The following DLGAP1 variants were observed in gnomAD, a reference collection of about 807,000 sequenced individuals.
The protein encoded by DLGAP1 is DLG associated protein 1.
In DLGAP1, 11 loss-of-function variants were observed where a neutral mutation model predicts 90.8. That is an observed-to-expected ratio of 0.12 (90% CI 0.08 to 0.20). DLGAP1 has a LOEUF of 0.20. DLGAP1 is among the 10% of genes least tolerant of loss of function. The pLI, the probability that DLGAP1 is intolerant of heterozygous loss-of-function variation, is 1.00. For missense variants in DLGAP1, 1,050 were observed against 1,333.8 expected (o/e 0.79, Z 3.31); for synonymous variants, 558 against 540.7 (o/e 1.03, Z -0.44).
At chr18:3,608,245 C>T (rs2057416757) in intron 7 of DLGAP1, 1 of 151,618 alleles carries the variant, frequency 6.6e-6, no homozygotes, top group African/African-American at 2.4e-5. Flanking sequence ...TTGCCTGAAT[C>T]CGAGAGGTGG....
At chr18:3,700,485 G>A (rs1048801300) in intron 7 of DLGAP1, among the ~76,000 whole-genome samples, 13 of 152,172 alleles carry the variant, frequency 8.5e-5, no homozygotes, top group African/African-American at 3.1e-4. Flanking sequence ...GAGATGGGCC[G>A]TGTACCTCAG....
intron 3 of DLGAP1, among the ~76,000 whole-genome samples, chr18:3,899,079 C>T (rs1045697958): frequency 2.6e-5 from 4 of 152,160 alleles, no homozygotes; most frequent in Admixed American, 1.3e-4. Flanking sequence ...TCACTTCATT[C>T]AGGGAGGCAT....
chr18:3,854,887 T>C (rs1367257679), intron 4 of DLGAP1, among the ~76,000 whole-genome samples: 1 of 152,136 alleles, frequency 6.6e-6, no homozygotes, highest in African/African-American at 2.4e-5. Flanking sequence ...TGGACCCAAA[T>C]GAAATAATAA....
chr18:4,278,243 G>A (rs1466297303), intron 1 of DLGAP1, among the ~76,000 whole-genome samples: 3 of 151,852 alleles, frequency 2.0e-5, no homozygotes, highest in Non-Finnish European at 4.4e-5. Flanking sequence ...TGAGTATTAT[G>A]GTCTTTTATT....
chr18:3,908,350 G>A (rs1204584051), intron 3 of DLGAP1, among the ~76,000 whole-genome samples: 1 of 152,136 alleles, frequency 6.6e-6, no homozygotes, highest in Non-Finnish European at 1.5e-5. Context: ...TTAAAAGTAT[G>A]CACTCATAGT....
intron 7 of DLGAP1, among the ~76,000 whole-genome samples, chr18:3,614,501 T>G (rs76444665): frequency 6.6e-6 from 1 of 152,176 alleles, no homozygotes; most frequent in East Asian, 1.9e-4. Flanking sequence ...GAAAATACCA[T>G]GGTGGCAAAT....
At position 4,359,346 on chromosome 18, in the gene DLGAP1, C is replaced by T. The variant is rs117194027; in HGVS notation, c.-267+95660G>A. On this transcript the variant is annotated intron_variant, in intron 1 of 12. Coordinates refer to ENST00000315677, the MANE Select transcript of DLGAP1 (RefSeq NM_004746.4). ...ATAAGACCCTCATGTGAGAGGTGCCCTTCCTGGAGGAAAGGAACGTCTTTA... is the reference window on the plus strand; with the variant it reads ...ATAAGACCCTCATGTGAGAGGTGCCTTTCCTGGAGGAAAGGAACGTCTTTA... 2.9e-3 allele frequency among the ~76,000 whole-genome samples: 441 copies of T among 152,252 alleles called. 1 individual carries two copies. The highest frequency in any genetic ancestry group is 5.0e-3 in the Non-Finnish European group (338 of 68,018).
At chr18:3,547,301 C>CAA (rs765095049) in intron 9 of DLGAP1, among the ~76,000 whole-genome samples, 5,647 of 44,226 alleles carry the variant, frequency 0.13, 434 homozygotes, top group African/African-American at 0.18. Flanking sequence ...GACTCCGTCT[C>CAA]AAAAAAAAAA....
Position 3,561,399 on chromosome 18 carries a change from A to G in DLGAP1, c.2057+6091T>C, listed in dbSNP as rs183590920. Among the ~76,000 whole-genome samples, 21 of 139,124 alleles carry G rather than the reference A, an allele frequency of 1.5e-4. 3 individuals carry two copies. Among genetic ancestry groups the G allele is most frequent in the African/African-American group, 3.9e-4 (14 of 35,736 alleles). 91.3% of individuals were successfully genotyped at this position (139,124 alleles called of 152,430 possible). ...TGCAGTGAGCCAAGATCCTGCCACTATACTCCTTCCTGGGCGACAGAGCAA... is the reference window on the plus strand; with the variant it reads ...TGCAGTGAGCCAAGATCCTGCCACTGTACTCCTTCCTGGGCGACAGAGCAA... On this transcript the variant is annotated intron_variant, in intron 9 of 12. Coordinates refer to ENST00000315677, the MANE Select transcript of DLGAP1 (RefSeq NM_004746.4).
intron 6 of DLGAP1, among the ~76,000 whole-genome samples, chr18:3,730,190 C>G (rs985334098): frequency 1.3e-5 from 2 of 152,140 alleles, no homozygotes. Flanking sequence ...GAGGTCGAGG[C>G]TGCAGTAAGG....
At chr18:4,013,193 T>C (rs2074459137) in intron 2 of DLGAP1, among the ~76,000 whole-genome samples, 2 of 152,210 alleles carry the variant, frequency 1.3e-5, no homozygotes, top group Non-Finnish European at 2.9e-5. Flanking sequence ...GTACCTCAAA[T>C]CATGATTGCA....
At chr18:3,955,138 G>A (rs1189127814) in intron 3 of DLGAP1, among the ~76,000 whole-genome samples, 2 of 152,108 alleles carry the variant, frequency 1.3e-5, no homozygotes, top group East Asian at 3.9e-4. Flanking sequence ...TAGGAAGAGT[G>A]CCTATTCCTA....
rs1214129837 is a variant in DLGAP1 at position 3,525,102 on chromosome 18, AAT to A, written c.2479+9090_2479+9091del. Among the ~76,000 whole-genome samples, 1,418 of 148,966 alleles carry A rather than the reference AAT, an allele frequency of 9.5e-3. 26 individuals are homozygous for A. Among genetic ancestry groups the A allele is most frequent in the African/African-American group, 0.033 (1,336 of 40,032 alleles). On this transcript the variant is annotated intron_variant, in intron 10 of 12. Coordinates refer to ENST00000315677, the MANE Select transcript of DLGAP1 (RefSeq NM_004746.4). ...CAGTGTTCTGGGGGAAAAAAAAAAAAATCAACAACATTATTTTGTTTTTAAAG... is the reference window on the plus strand; with the variant it reads ...CAGTGTTCTGGGGGAAAAAAAAAAAACAACAACATTATTTTGTTTTTAAAG...
chr18:4,267,183 AGTGTGT>A (rs146992333), intron 1 of DLGAP1, among the ~76,000 whole-genome samples: 1 of 147,376 alleles, frequency 6.8e-6, no homozygotes, highest in African/African-American at 2.7e-5. Flanking sequence ...CACTGTAATG[AGTGTGT>A]GTGTGTGTGT....
chr18:4,438,222 C>T (rs945836112), intron 1 of DLGAP1, among the ~76,000 whole-genome samples: 3 of 152,008 alleles, frequency 2.0e-5, no homozygotes, highest in African/African-American at 7.3e-5. Context: ...CAGGATCAAA[C>T]ATGGTGCATG....
At chr18:4,073,374 G>A (rs2075478304) in intron 2 of DLGAP1, among the ~76,000 whole-genome samples, 1 of 152,154 alleles carries the variant, frequency 6.6e-6, no homozygotes, top group East Asian at 1.9e-4. Context: ...ATGGAATTAG[G>A]AGTTCACACT....
At chr18:4,114,201 T>G (rs1282258174) in intron 2 of DLGAP1, among the ~76,000 whole-genome samples, 1 of 151,926 alleles carries the variant, frequency 6.6e-6, no homozygotes, top group Non-Finnish European at 1.5e-5. Context: ...CTACAGATTG[T>G]TTTAATGATA....
At chr18:4,118,063 CCT>C (rs1268529176) in intron 2 of DLGAP1, among the ~76,000 whole-genome samples, 3 of 151,782 alleles carry the variant, frequency 2.0e-5, no homozygotes, top group African/African-American at 7.3e-5. Flanking sequence ...TCCATTGTAC[CCT>C]GTTACACTTC....
At chr18:3,895,494 G>T (rs993863394) in intron 3 of DLGAP1, among the ~76,000 whole-genome samples, 1 of 152,156 alleles carries the variant, frequency 6.6e-6, no homozygotes, top group Admixed American at 6.5e-5. Context: ...TCTCAAACTC[G>T]AGTTTGCATC....
Sources: gnomAD v4.1 joint callset for allele counts (sites outside exome capture counted in the v4.1 genomes callset) on GRCh38, gnomAD v4.1.1 for gene constraint, MANE v1.5 for transcripts, NCBI Gene and HGNC (gene_info 2026-07-23, HGNC 2026-07-21) for gene names.